The following FRYL variants were observed in gnomAD, a reference collection of about 807,000 sequenced individuals.
FRYL encodes the protein protein furry homolog-like.
Under a neutral mutation model 351.2 loss-of-function variants are expected in FRYL, and 150 were observed. The ratio of observed to expected loss-of-function variants is 0.43; its 90% confidence interval spans 0.37 to 0.49. The LOEUF (loss-of-function observed/expected upper bound fraction) is 0.49, where lower values mean the gene tolerates loss of function less well. Ranked by LOEUF, FRYL falls within the 20% of genes least tolerant of loss-of-function variation. FRYL has a pLI of 0.00. For synonymous variants in FRYL, 1,153 were observed against 1,257.1 expected (o/e 0.92, Z 1.75); for missense variants, 3,036 against 3,619.3 (o/e 0.84, Z 4.13).
chr4:48,556,914 G>T, intron 35 of FRYL, 64 bp downstream of exon 35: 1 of 1,381,138 alleles, frequency 7.2e-7, no homozygotes, highest in South Asian at 1.7e-5. Context: ...CCCATACTCT[G>T]ACATCACAAG....
intron 3 of FRYL, chr4:48,653,640 G>T: frequency 9.8e-7 from 1 of 1,016,306 alleles, no homozygotes; most frequent in Non-Finnish European, 1.3e-6. Context: ...TTGGTCTGAA[G>T]AATCAGCATG....
At chr4:48,650,013 T>C (rs1560786553) in intron 3 of FRYL, among the ~76,000 whole-genome samples, 1 of 152,158 alleles carries the variant, frequency 6.6e-6, no homozygotes, top group African/African-American at 2.4e-5. Flanking sequence ...GGGCAACATT[T>C]GAAATATATA....
chr4:48,583,643 T>A (rs1171328047), intron 19 of FRYL, among the ~76,000 whole-genome samples: 10 of 151,724 alleles, frequency 6.6e-5, no homozygotes, highest in Non-Finnish European at 8.8e-5. Context: ...TGGCTCACAC[T>A]TATAATCCCA....
In FRYL at chr4:48,556,986, A is replaced by C; in HGVS notation, c.4258T>G (p.Leu1420Val). 6.3e-7 allele frequency: 1 copy of C among 1,589,976 alleles called. No homozygotes were observed. Among genetic ancestry groups the C allele is most frequent in the Non-Finnish European group, 8.6e-7 (1 of 1,165,342 alleles). ...ICGVNSEPSL[L>V]PYVKKVIVYL... ...TGAACTTGAATACATACGTAAGGCA[A>C]GAGGCTTGGTTCGCTATTCACCCCA... The change falls in exon 35 of 64, where the codon TTG (leucine) becomes GTG (valine). Residue 1420 changes from leucine to valine, a missense_variant. Physicochemically the swap from Leu to Val is conservative, Grantham distance 32. Transcript: ENST00000358350.
intron 36 of FRYL, among the ~76,000 whole-genome samples, chr4:48,551,924 GA>G (rs1732863752): frequency 6.6e-6 from 1 of 152,144 alleles, no homozygotes; most frequent in Admixed American, 6.5e-5. Flanking sequence ...GAAAAAATAG[GA>G]AACCTGGCTG....
intron 3 of FRYL, among the ~76,000 whole-genome samples, chr4:48,673,530 G>A (rs1763054509): frequency 6.6e-6 from 1 of 151,866 alleles, no homozygotes; most frequent in South Asian, 2.1e-4. Flanking sequence ...TGGGACTACC[G>A]GTGCATGACA....
At chr4:48,573,994 A>T (rs1738979043) in intron 25 of FRYL, among the ~76,000 whole-genome samples, 1 of 152,084 alleles carries the variant, frequency 6.6e-6, no homozygotes, top group African/African-American at 2.4e-5. Context: ...ATTTTCTCTT[A>T]CTAAAAATAT....
intron 2 of FRYL, among the ~76,000 whole-genome samples, chr4:48,688,505 T>A (rs1228714327): frequency 6.6e-6 from 1 of 152,172 alleles, no homozygotes; most frequent in Non-Finnish European, 1.5e-5. Flanking sequence ...TTTATGGTCA[T>A]CCCTTTAATT....
chr4:48,596,840 G>A (rs1744684664), intron 13 of FRYL, among the ~76,000 whole-genome samples: 1 of 150,642 alleles, frequency 6.6e-6, no homozygotes. Context: ...ATTTTGAAAT[G>A]TAGCTAATAA....
chr4:48,778,333 T>TAAA (rs397993308), intron 1 of FRYL, among the ~76,000 whole-genome samples: 11 of 143,810 alleles, frequency 7.6e-5, no homozygotes, highest in South Asian at 2.2e-4. Flanking sequence ...ACTGCTTTAA[T>TAAA]AAAAAAAAAA....
chr4:48,581,451 C>T lies in FRYL; in HGVS notation c.2141G>A (p.Arg714Gln), dbSNP rs762125572. The stretch of plus-strand genomic sequence containing the variant: ...TATTTCCAGAAGTGCAAATAAAGCC[C>T]GTATTTCTCTAAGGACACTGACGGC... The part of the protein sequence containing the change: ...RLAVSVLREI[R>Q]ALFALLEIPK... The change falls in exon 21 of 64, where the codon CGG becomes CAG. Residue 714 changes from arginine (R) to glutamine (Q), a missense_variant. Physicochemically the swap from Arg to Gln is conservative, Grantham distance 43. This residue lies in a region of FRYL where 492 missense variants were observed against 551.5 expected (regional missense o/e 0.89). Transcript: ENST00000358350. 3.1e-6 allele frequency: 5 copies of T among 1,609,866 alleles called. No individual in the cohort carries two copies. Among genetic ancestry groups the T allele is most frequent in the South Asian group, 2.2e-5 (2 of 90,048 alleles).
At chr4:48,541,515 C>T (rs1345120908) in intron 45 of FRYL, among the ~76,000 whole-genome samples, 1 of 152,178 alleles carries the variant, frequency 6.6e-6, no homozygotes, top group Admixed American at 6.5e-5. Flanking sequence ...TTATAGCCTG[C>T]TAATTGCTAT....
At position 48,753,166 on chromosome 4, in the gene FRYL, T is replaced by C. The variant is rs372220147; in HGVS notation, c.-384+26912A>G. ...TCTTCTTTCTATTGGCACAGGATCATGACATTAAACAAGTAGAGAAGGATG... is the reference window on the plus strand; with the variant it reads ...TCTTCTTTCTATTGGCACAGGATCACGACATTAAACAAGTAGAGAAGGATG... On this transcript the variant is annotated intron_variant, in intron 1 of 63. Transcript: ENST00000358350. 1.5e-3 allele frequency among the ~76,000 whole-genome samples: 224 copies of C among 152,282 alleles called. 4 individuals are homozygous for C. Among genetic ancestry groups the C allele is most frequent in the African/African-American group, 4.6e-3 (191 of 41,570 alleles).
chr4:48,635,081 G>C (rs551394027), intron 3 of FRYL, among the ~76,000 whole-genome samples: 33 of 152,262 alleles, frequency 2.2e-4, no homozygotes, highest in Middle Eastern at 3.4e-3. Flanking sequence ...AGACCAGTGT[G>C]GCTGGAGCTC....
intron 1 of FRYL, among the ~76,000 whole-genome samples, chr4:48,753,157 A>G (rs776472398): frequency 3.3e-5 from 5 of 152,222 alleles, no homozygotes; most frequent in Non-Finnish European, 2.9e-5. Flanking sequence ...TTCTATTGGC[A>G]CAGGATCATG....
intron 19 of FRYL, among the ~76,000 whole-genome samples, chr4:48,584,652 C>T (rs180787511): frequency 1.3e-5 from 2 of 152,198 alleles, no homozygotes; most frequent in Non-Finnish European, 2.9e-5. Flanking sequence ...ATCTATCTTA[C>T]TCCTATCTGT....
chr4:48,528,211 C>A lies in FRYL; in HGVS notation c.7029G>T (p.Leu2343Phe), dbSNP rs751846385. Residue 2343 changes from leucine to phenylalanine, a missense_variant, in exon 51 of 64, where the codon TTG becomes TTT. Physicochemically the swap from Leu to Phe is conservative, Grantham distance 22. Transcript: ENST00000358350. ...STSSGSNSNALVPVSWKRPQL... is the reference protein window; with the variant it reads ...STSSGSNSNAFVPVSWKRPQL... ...GTGGCCTTTTCCAACTAACAGGAAC[C>A]AAGGCATTAGAATTAGAACCAGAAG... 19 of 1,612,894 alleles carry A rather than the reference C, an allele frequency of 1.2e-5. No homozygotes were observed. Among genetic ancestry groups the A allele is most frequent in the Non-Finnish European group, 1.5e-5 (18 of 1,179,338 alleles).
At chr4:48,583,352 C>G (rs899224355) in intron 19 of FRYL, among the ~76,000 whole-genome samples, 10 of 152,000 alleles carry the variant, frequency 6.6e-5, no homozygotes, top group African/African-American at 2.4e-5. Flanking sequence ...GGGGTTTCAC[C>G]GTCTTAGCCA....
At chr4:48,512,439 G>A in intron 57 of FRYL, 42 bp downstream of exon 57, 2 of 1,402,740 alleles carry the variant, frequency 1.4e-6, no homozygotes, top group Non-Finnish European at 2.0e-6. Context: ...AACTTGATTA[G>A]GTAACTATAA....
Sources: allele counts gnomAD v4.1 joint callset (sites outside exome capture counted in the v4.1 genomes callset), GRCh38; gene constraint gnomAD v4.1.1; regional missense constraint gnomAD v4.1.1; transcripts MANE v1.5; gene names NCBI Gene and HGNC (gene_info 2026-07-23, HGNC 2026-07-21).